Variants in RTTN observed in about 807,000 individuals in gnomAD.
RTTN encodes the protein rotatin.
A neutral mutation model predicts 269.2 loss-of-function variants in RTTN; 182 were observed. The observed-to-expected ratio is 0.68, with a 90% CI of 0.60 to 0.76. The LOEUF is 0.76. Among genes scored for constraint, RTTN ranks in the 30% least tolerant of loss-of-function variants. The probability of loss-of-function intolerance (pLI) is 0.00; values close to 1 mark genes in which losing one functional copy is unlikely to be tolerated. For missense variants in RTTN, 2,545 were observed against 2,608.6 expected, an observed-to-expected ratio of 0.98 and a Z score of 0.53; for synonymous variants, 1,006 against 963.5, an observed-to-expected ratio of 1.04 and a Z score of -0.82.
intron 35 of RTTN, among the ~76,000 whole-genome samples, chr18:70,064,516 A>G (rs1040140158): frequency 5.9e-5 from 9 of 152,184 alleles, no homozygotes; most frequent in African/African-American, 2.2e-4. Context: ...AAATAAATGA[A>G]GTTCTGATAC....
chr18:70,012,198 T>A lies in RTTN; in HGVS notation c.6421+5209A>T, dbSNP rs552379796. On this transcript the variant is annotated intron_variant, in intron 46 of 48. Coordinates refer to ENST00000640769, the MANE Select transcript of RTTN (RefSeq NM_173630.4). ...AGAGGGCAGGGTCTGCTCACTGGTA[T>A]TGGTTAGAGGGCAGCATCTGCTCAC... Among the ~76,000 whole-genome samples, 28 of 148,478 alleles carry A rather than the reference T, an allele frequency of 1.9e-4. 1 individual carries two copies. Among genetic ancestry groups the A allele is most frequent in the African/African-American group, 6.2e-4 (25 of 40,016 alleles).
At chr18:70,170,281 C>A (rs73966816) in intron 11 of RTTN, among the ~76,000 whole-genome samples, 13,262 of 152,202 alleles carry the variant, frequency 0.087, 1,272 homozygotes, top group African/African-American at 0.24. Flanking sequence ...GAGCAAAATA[C>A]AACCTCTGCC....
chr18:70,059,866 T>C lies in RTTN; in HGVS notation c.4924A>G (p.Ile1642Val), dbSNP rs1338412925. The C allele has an allele frequency of 6.2e-7, 1 of 1,606,554 alleles. No individual in the cohort carries two copies. Among genetic ancestry groups the C allele is most frequent in the Non-Finnish European group, 8.5e-7 (1 of 1,176,180 alleles). The change falls in exon 36 of 49, where the codon ATA becomes GTA. Residue 1642 changes from isoleucine to valine, a missense_variant. Physicochemically the swap from Ile to Val is conservative, Grantham distance 29. Transcript: ENST00000640769. ...ATCTCTTACCTACAGAGAAGTTCTA[T>C]GAGATGAGCTTGTCGAAAAGCCTTT... ...TAKAFRQAHLIELLCSIADAT... is the reference protein window; with the variant it reads ...TAKAFRQAHLVELLCSIADAT...
At position 70,150,029 on chromosome 18, in the gene RTTN, G is replaced by A. The variant is rs34955511; in HGVS notation, c.2114C>T (p.Thr705Ile). The A allele has an allele frequency of 1.4e-5, 22 of 1,613,328 alleles. No homozygotes were observed. The highest frequency in any genetic ancestry group is 1.7e-5 in the Non-Finnish European group (20 of 1,179,502). Reference protein sequence around the residue: ...LYLLQGRLMMTALTWNKFIES... With the variant: ...LYLLQGRLMMIALTWNKFIES... ...AATAAACTTGTTCCAGGTCAATGCT[G>A]TCATCATCAATCGTCCCTGAAGCAG... is the stretch of plus-strand genomic sequence containing the variant. Residue 705 changes from threonine to isoleucine, a missense_variant, in exon 16 of 49, where the codon ACA (threonine) becomes ATA (isoleucine). Physicochemically the swap from Thr to Ile is moderately conservative, Grantham distance 89. Transcript: ENST00000640769.
At chr18:70,120,973 C>G (rs1391914639) in intron 26 of RTTN, among the ~76,000 whole-genome samples, 4 of 152,016 alleles carry the variant, frequency 2.6e-5, no homozygotes. Context: ...ATCATTTGAA[C>G]CCAGGAGGCA....
At chr18:70,076,386 T>C (rs1467465161) in intron 32 of RTTN, among the ~76,000 whole-genome samples, 3 of 151,982 alleles carry the variant, frequency 2.0e-5, no homozygotes, top group Non-Finnish European at 4.4e-5. Context: ...TCAAAACATA[T>C]TGCAAGTTGA....
At chr18:70,023,611 A>G (rs2056769236) in intron 44 of RTTN, among the ~76,000 whole-genome samples, 1 of 152,088 alleles carries the variant, frequency 6.6e-6, no homozygotes, top group Non-Finnish European at 1.5e-5. Flanking sequence ...CCTACCTCCC[A>G]CAACAGGTAT....
intron 23 of RTTN, among the ~76,000 whole-genome samples, chr18:70,134,133 T>C (rs1947694): frequency 0.82 from 124,316 of 151,862 alleles, 53,829 homozygotes; most frequent in East Asian, 1. Context: ...TTCCAATTGG[T>C]GGGTGAGGGA....
intron 7 of RTTN, chr18:70,194,362 T>C (rs2061751604): frequency 6.6e-6 from 1 of 152,228 alleles, no homozygotes; most frequent in Non-Finnish European, 1.5e-5. Flanking sequence ...GAAATGTAAA[T>C]GGTACAGCTG....
At chr18:70,063,338 C>T (rs377362602) in intron 35 of RTTN, among the ~76,000 whole-genome samples, 4 of 152,126 alleles carry the variant, frequency 2.6e-5, no homozygotes, top group African/African-American at 9.7e-5. Flanking sequence ...TAATATTTTT[C>T]CAAAGATAAA....
intron 44 of RTTN, among the ~76,000 whole-genome samples, chr18:70,022,911 C>A (rs1292861118): frequency 6.6e-6 from 1 of 152,096 alleles, no homozygotes; most frequent in Non-Finnish European, 1.5e-5. Flanking sequence ...TCTACACATT[C>A]TCCCTGGGTA....
intron 2 of RTTN, 120 bp downstream of exon 2, chr18:70,205,008 C>T: frequency 1.1e-6 from 1 of 909,786 alleles, no homozygotes; most frequent in Non-Finnish European, 1.7e-6. Context: ...AATTAAACAT[C>T]TCTGGTTGAT....
intron 10 of RTTN, among the ~76,000 whole-genome samples, chr18:70,178,233 A>T (rs1174756203): frequency 6.6e-6 from 1 of 152,220 alleles, no homozygotes; most frequent in African/African-American, 2.4e-5. Context: ...TGTCTCAAAG[A>T]AAAAAAGAAA....
At chr18:70,122,011 A>C (rs2059750704) in intron 25 of RTTN, among the ~76,000 whole-genome samples, 9 of 152,196 alleles carry the variant, frequency 5.9e-5, no homozygotes, top group Admixed American at 5.9e-4. Flanking sequence ...GACTCTAATA[A>C]CCGCCCAGTG....
chr18:70,101,423 T>A (rs907572973), intron 28 of RTTN, among the ~76,000 whole-genome samples: 2 of 152,334 alleles, frequency 1.3e-5, no homozygotes, highest in Admixed American at 6.5e-5. Context: ...GGTGTTGATA[T>A]CCCCTTTATC....
intron 32 of RTTN, among the ~76,000 whole-genome samples, chr18:70,083,279 T>C (rs935267053): frequency 1.3e-5 from 2 of 152,180 alleles, no homozygotes; most frequent in Non-Finnish European, 2.9e-5. Context: ...AAAGGGGACT[T>C]ATGCTATGAA....
intron 6 of RTTN, among the ~76,000 whole-genome samples, chr18:70,197,202 A>G (rs1277429714): frequency 6.6e-6 from 1 of 152,172 alleles, no homozygotes; most frequent in East Asian, 1.9e-4. Flanking sequence ...TCTACTATAC[A>G]AGCAATAAAC....
chr18:70,086,652 A>G lies in RTTN; in HGVS notation c.4335T>C (p.Ile1445=). 6.9e-7 allele frequency: 1 copy of G among 1,449,908 alleles called. No individual in the cohort carries two copies. The highest frequency in any genetic ancestry group is 2.3e-4 in the Middle Eastern group (1 of 4,390). The allele number at this position is 1,449,908 out of a possible 1,614,324, so 89.8% of individuals were successfully genotyped here. A position where few individuals can be genotyped will look rare whatever the true frequency, so the allele number is the denominator to read the frequency against. Reference sequence around the variant, plus strand: ...CCTTTATAATTTCTGTAGGCATTGGAATTACAAGGAGATTCTGAAGAATAA... The same window carrying G: ...CCTTTATAATTTCTGTAGGCATTGGGATTACAAGGAGATTCTGAAGAATAA... ...AAFILQNLLV[I]PMPTEIIKDY... is the part of the protein sequence containing the mutation. The change falls in exon 32 of 49, where the codon ATT becomes ATC. Residue 1445 remains isoleucine (I), a synonymous_variant. Transcript: ENST00000640769.
chr18:70,202,048 C>T (rs2061966744), intron 3 of RTTN, 65 bp from the exon 4 acceptor site: 1 of 899,594 alleles, frequency 1.1e-6, no homozygotes, highest in African/African-American at 1.7e-5. Context: ...AACTTACTTT[C>T]TTTAAGTGGT....
Sources: gnomAD v4.1 joint callset for allele counts (sites outside exome capture counted in the v4.1 genomes callset) on GRCh38, gnomAD v4.1.1 for gene constraint, MANE v1.5 for transcripts, NCBI Gene and HGNC (gene_info 2026-07-23, HGNC 2026-07-21) for gene names.